The following PCDH7 variants were observed in gnomAD, a reference collection of about 807,000 sequenced individuals.
The protein encoded by PCDH7 is protocadherin 7, also known as protocadherin-7.
Under a neutral mutation model 58.9 loss-of-function variants are expected in PCDH7, and 17 were observed. The observed-to-expected ratio is 0.29, with a 90% CI of 0.20 to 0.43. The LOEUF is 0.43. Among genes scored for constraint, PCDH7 ranks in the 20% least tolerant of loss-of-function variants. PCDH7 has a pLI of 1.00. For synonymous variants in PCDH7, 664 were observed against 616.4 expected (o/e 1.08, Z -1.14); for missense variants, 1,274 against 1,441.0 (o/e 0.88, Z 1.88).
intron 3 of PCDH7, among the ~76,000 whole-genome samples, chr4:31,074,784 CAAAAA>C (rs1157267696): frequency 1.9e-5 from 1 of 52,488 alleles, no homozygotes; most frequent in Non-Finnish European, 3.2e-5. Flanking sequence ...GATTCCGTCT[CAAAAA>C]AAAAAAAAAA....
chr4:31,074,425 G>T (rs1230343714), intron 3 of PCDH7, among the ~76,000 whole-genome samples: 2 of 151,714 alleles, frequency 1.3e-5, no homozygotes, highest in Admixed American at 6.6e-5. Context: ...ACTATATTTG[G>T]GTGTGACTGG....
chr4:30,824,083 CTTTCTTTCTT>C (rs1560407500), intron 1 of PCDH7, among the ~76,000 whole-genome samples: 47 of 10,860 alleles, frequency 4.3e-3, no homozygotes, highest in African/African-American at 0.017. Flanking sequence ...GGTTTCTTTT[CTTTCTTTCTT>C]TCTTTCTTTC....
chr4:31,040,402 T>C (rs1047166806), intron 3 of PCDH7, among the ~76,000 whole-genome samples: 1 of 152,218 alleles, frequency 6.6e-6, no homozygotes, highest in African/African-American at 2.4e-5. Context: ...CTCAATTAAA[T>C]GTGCATGGTG....
At chr4:30,866,697 C>CAA (rs201849602) in intron 1 of PCDH7, among the ~76,000 whole-genome samples, 24 of 127,890 alleles carry the variant, frequency 1.9e-4, no homozygotes, top group Admixed American at 3.9e-4. Context: ...GAATCTCTGG[C>CAA]AAAAAAAAAA....
chr4:31,113,858 G>T (rs1209168502), intron 3 of PCDH7, among the ~76,000 whole-genome samples: 7 of 137,808 alleles, frequency 5.1e-5, no homozygotes, highest in Non-Finnish European at 3.1e-5. Context: ...TTTTGAGATG[G>T]AGAGTCACTC....
chr4:31,098,176 A>G (rs1714409707), intron 3 of PCDH7, among the ~76,000 whole-genome samples: 1 of 152,202 alleles, frequency 6.6e-6, no homozygotes, highest in Non-Finnish European at 1.5e-5. Flanking sequence ...CACTGCCCAC[A>G]TGGGCAGGCC....
intron 1 of PCDH7, among the ~76,000 whole-genome samples, chr4:30,912,066 A>G (rs1741847686): frequency 6.6e-6 from 1 of 152,182 alleles, no homozygotes; most frequent in African/African-American, 2.4e-5. Flanking sequence ...TCTGCCCCAA[A>G]TGAGAGTTTT....
At chr4:31,056,615 G>A (rs945574514) in intron 3 of PCDH7, among the ~76,000 whole-genome samples, 3 of 147,862 alleles carry the variant, frequency 2.0e-5, no homozygotes, top group African/African-American at 7.6e-5. Flanking sequence ...GAGAGAGAGA[G>A]TGAAAGACAG....
At chr4:30,897,070 A>G (rs1739528835) in intron 1 of PCDH7, among the ~76,000 whole-genome samples, 1 of 151,234 alleles carries the variant, frequency 6.6e-6, no homozygotes, top group African/African-American at 2.4e-5. Context: ...ATGCTTGGCT[A>G]ATTTTTTGTA....
intron 3 of PCDH7, among the ~76,000 whole-genome samples, chr4:31,108,369 T>TAAAAAAAAAAAAAAAAAAAAAAAAAAA (rs71190491): frequency 5.0e-5 from 3 of 60,070 alleles, no homozygotes; most frequent in African/African-American, 9.5e-5. Context: ...CAGCATACAG[T>TAAAAAAAAAAAAAAAAAAAAAAAAAAA]AAAAAAAAAA....
intron 1 of PCDH7, among the ~76,000 whole-genome samples, chr4:30,806,961 G>A (rs983472348): frequency 2.0e-5 from 3 of 151,892 alleles, no homozygotes; most frequent in Admixed American, 6.6e-5. Flanking sequence ...ACTTTGCCTT[G>A]TATTTCACTA....
At chr4:30,933,306 T>G (rs542611815) in intron 2 of PCDH7, among the ~76,000 whole-genome samples, 7 of 152,220 alleles carry the variant, frequency 4.6e-5, no homozygotes, top group South Asian at 2.1e-4. Flanking sequence ...AGTACAGGTG[T>G]GAGCCACTGC....
In PCDH7 at chr4:30,880,547, G is replaced by A. The variant is rs116739636; in HGVS notation, c.71-39606G>A. 9.2e-3 allele frequency among the ~76,000 whole-genome samples: 1,395 copies of A among 152,146 alleles called. 18 individuals are homozygous for A. Among genetic ancestry groups the A allele is most frequent in the African/African-American group, 0.029 (1,199 of 41,514 alleles). On this transcript the variant is annotated intron_variant, in intron 1 of 3. Transcript: ENST00000509759. ...CTAATAAAGTTCTTTATGCACTGAG[G>A]TATCATCTACTTTCTGTCATACAAC...
rs1452849807 is a variant in PCDH7, at chr4:30,908,893, G to A, written c.71-11260G>A. The stretch of plus-strand genomic sequence containing the variant: ...AGACACAGAAAAAAGAAAATTTCAG[G>A]CCAATATCCCTGATGAACATCCATG... On this transcript the variant is annotated intron_variant, in intron 1 of 3. Coordinates refer to the PCDH7 transcript ENST00000509759. Among the ~76,000 whole-genome samples the A allele has an allele frequency of 2.6e-5, 4 of 152,054 alleles. No individual in the cohort carries two copies. The East Asian group carries it at 7.7e-4, about 29-fold the overall frequency.
chr4:31,000,865 A>G (rs1249250804), intron 3 of PCDH7, among the ~76,000 whole-genome samples: 1 of 152,056 alleles, frequency 6.6e-6, no homozygotes, highest in Non-Finnish European at 1.5e-5. Context: ...AGCTATTACT[A>G]TTGTTTTTAG....
chr4:31,144,784 G>C (rs893551524), downstream of PCDH7: 3 of 151,918 alleles, frequency 2.0e-5, no homozygotes, highest in Non-Finnish European at 4.4e-5. Flanking sequence ...ATAATAGGTA[G>C]GATGCAAAAA....
intron 2 of PCDH7, among the ~76,000 whole-genome samples, chr4:30,948,809 G>T (rs138975925): frequency 1.8e-3 from 281 of 152,188 alleles, no homozygotes; most frequent in African/African-American, 6.2e-3. Flanking sequence ...CCTTAGGTGG[G>T]TCATGTTATT....
intron 3 of PCDH7, among the ~76,000 whole-genome samples, chr4:31,039,260 C>A (rs941375708): frequency 2.0e-5 from 3 of 152,200 alleles, no homozygotes; most frequent in Non-Finnish European, 2.9e-5. Flanking sequence ...CTCCTTCTAC[C>A]ATCAGAGGCA....
intron 1 of PCDH7, among the ~76,000 whole-genome samples, chr4:30,754,156 C>T (rs1718946832): frequency 7.3e-6 from 1 of 137,620 alleles, no homozygotes; most frequent in Non-Finnish European, 1.6e-5. Flanking sequence ...TTGCTGCAAA[C>T]ACTAGGTGTG....
Sources: gnomAD v4.1 joint callset for allele counts (sites outside exome capture counted in the v4.1 genomes callset) on GRCh38, gnomAD v4.1.1 for gene constraint, MANE v1.5 for transcripts, NCBI Gene and HGNC (gene_info 2026-07-23, HGNC 2026-07-21) for gene names.